Variants in SGPP1 observed in about 807,000 individuals in gnomAD.
The protein encoded by SGPP1 is hSPP1.
Under a neutral mutation model 33.0 loss-of-function variants are expected in SGPP1, and 21 were observed. The observed-to-expected ratio is 0.64, with a 90% confidence interval of 0.45 to 0.92. SGPP1 has a LOEUF of 0.92. SGPP1 is among the 40% of genes least tolerant of loss of function. The pLI is 0.00. For missense variants in SGPP1, 543 were observed against 589.4 expected (o/e 0.92, Z 0.81); for synonymous variants, 239 against 241.2 (o/e 0.99, Z 0.08).
chr14:63,718,220 C>T (rs566620095), intron 1 of SGPP1, among the ~76,000 whole-genome samples: 1 of 151,408 alleles, frequency 6.6e-6, no homozygotes, highest in Non-Finnish European at 1.5e-5. Context: ...TGTATGCCAT[C>T]CTGGGGAACA....
At chr14:63,699,755 T>C (rs1885258301) in intron 1 of SGPP1, among the ~76,000 whole-genome samples, 1 of 151,808 alleles carries the variant, frequency 6.6e-6, no homozygotes, top group Non-Finnish European at 1.5e-5. Context: ...TTGTTGTTTT[T>C]TTTACATATC....
chr14:63,706,811 G>A (rs1025690348), intron 1 of SGPP1, among the ~76,000 whole-genome samples: 12 of 152,148 alleles, frequency 7.9e-5, no homozygotes, highest in Non-Finnish European at 1.5e-4. Context: ...GGGAGGATGA[G>A]ATGGGTGGAT....
chr14:63,721,689 C>T (rs1401633025), intron 1 of SGPP1, among the ~76,000 whole-genome samples: 1 of 152,086 alleles, frequency 6.6e-6, no homozygotes, highest in Non-Finnish European at 1.5e-5. Flanking sequence ...TTTTCATGAC[C>T]TCACAGATAT....
At chr14:63,727,036 A>C (rs780696931) in intron 1 of SGPP1, among the ~76,000 whole-genome samples, 9 of 152,202 alleles carry the variant, frequency 5.9e-5, no homozygotes, top group Non-Finnish European at 8.8e-5. Flanking sequence ...TAAGGCATTA[A>C]ATTGGAATTT....
rs142554323 is a variant in SGPP1 at position 63,708,733 on chromosome 14, A to G, written c.685-10075T>C. Among the ~76,000 whole-genome samples the G allele has an allele frequency of 3.1e-3, 466 of 152,334 alleles. 1 individual carries two copies. The highest frequency in any genetic ancestry group is 0.01 in the African/African-American group (436 of 41,564). On this transcript the variant is annotated intron_variant, in intron 1 of 2. Transcript: ENST00000247225. ...ACCAGGTGCTATTCTAAGAGCTTTT[A>G]CAAATATTAACCCATGTAATCATCA...
chr14:63,697,437 G>C (rs2139634074), intron 2 of SGPP1, among the ~76,000 whole-genome samples: 1 of 152,262 alleles, frequency 6.6e-6, no homozygotes, highest in Middle Eastern at 3.4e-3. Flanking sequence ...TTAGAAACTA[G>C]AATTCCATGA....
intron 1 of SGPP1, among the ~76,000 whole-genome samples, chr14:63,721,438 C>T (rs1220199540): frequency 2.0e-5 from 3 of 150,558 alleles, no homozygotes; most frequent in Non-Finnish European, 4.4e-5. Flanking sequence ...AACAAGACTT[C>T]GTATCCAGAA....
intron 1 of SGPP1, among the ~76,000 whole-genome samples, chr14:63,723,680 C>T (rs539685036): frequency 3.2e-4 from 49 of 151,658 alleles, no homozygotes; most frequent in African/African-American, 1.2e-3. Context: ...GATCACACCA[C>T]CACACTCCAG....
intron 1 of SGPP1, among the ~76,000 whole-genome samples, chr14:63,705,544 T>C (rs1316660132): frequency 1.3e-5 from 2 of 151,760 alleles, no homozygotes; most frequent in Non-Finnish European, 2.9e-5. Flanking sequence ...GACATGCACT[T>C]GTGGTCCCAG....
At chr14:63,711,275 A>G (rs1293412093) in intron 1 of SGPP1, among the ~76,000 whole-genome samples, 2 of 152,166 alleles carry the variant, frequency 1.3e-5, no homozygotes, top group African/African-American at 2.4e-5. Flanking sequence ...TCGGTCTCCC[A>G]AAGTGCTGGG....
chr14:63,715,403 G>A (rs1166876076), intron 1 of SGPP1, among the ~76,000 whole-genome samples: 4 of 152,248 alleles, frequency 2.6e-5, no homozygotes, highest in African/African-American at 4.8e-5. Flanking sequence ...ATAAAAATAT[G>A]TATGTTATTA....
intron 2 of SGPP1, among the ~76,000 whole-genome samples, chr14:63,692,444 T>C (rs1201827212): frequency 1.3e-5 from 2 of 151,344 alleles, no homozygotes. Flanking sequence ...AGAAACTAAA[T>C]GTTCAACTTC....
In SGPP1 at chr14:63,686,522, C is replaced by T. The variant is rs141626991; in HGVS notation, c.909G>A (p.Gly303=). 9 of 1,613,876 alleles carry T rather than the reference C, an allele frequency of 5.6e-6. No homozygotes were observed. Among genetic ancestry groups the T allele is most frequent in the Non-Finnish European group, 7.6e-6 (9 of 1,180,004 alleles). ...AGGTGTCAAGAGTGAAAGAAAAGAT[C>T]CCCAAAGCTAAATGAAGCCCGATGA... is the stretch of plus-strand genomic sequence containing the variant. ...FIIIGLHLAL[G]IFSFTLDTWS... is the part of the protein sequence containing the mutation. The change falls in exon 3 of 3, where the codon GGG becomes GGA. Residue 303 remains glycine (G), a synonymous_variant. Transcript: ENST00000247225.
chr14:63,715,920 T>G (rs968829993), intron 1 of SGPP1, among the ~76,000 whole-genome samples: 3 of 152,174 alleles, frequency 2.0e-5, no homozygotes. Context: ...TTGGGTAGAA[T>G]GGTTAGAAGG....
chr14:63,719,014 ATTTTTTTTTTTTTT>A (rs1163496718), intron 1 of SGPP1, among the ~76,000 whole-genome samples: 1 of 19,424 alleles, frequency 5.1e-5, no homozygotes, highest in African/African-American at 2.3e-4. Flanking sequence ...ATATATATAT[ATTTTTTTTTTTTTT>A]TTTTTTTTTT....
At chr14:63,717,206 A>G (rs1885649287) in intron 1 of SGPP1, among the ~76,000 whole-genome samples, 1 of 151,918 alleles carries the variant, frequency 6.6e-6, no homozygotes, top group South Asian at 2.1e-4. Flanking sequence ...ATAGCAACAG[A>G]AACTGTAAAA....
chr14:63,688,996 C>T (rs1365196952), intron 2 of SGPP1, among the ~76,000 whole-genome samples: 1 of 152,180 alleles, frequency 6.6e-6, no homozygotes, highest in Non-Finnish European at 1.5e-5. Flanking sequence ...GCTGGGATTA[C>T]AGGCGTGAGC....
chr14:63,704,599 T>C (rs976590347), intron 1 of SGPP1, among the ~76,000 whole-genome samples: 5 of 152,108 alleles, frequency 3.3e-5, no homozygotes, highest in Non-Finnish European at 7.4e-5. Context: ...CCTGTAATTC[T>C]AGCACTTTGG....
chr14:63,726,153 T>C (rs906263509), intron 1 of SGPP1, among the ~76,000 whole-genome samples: 6 of 152,224 alleles, frequency 3.9e-5, no homozygotes, highest in Admixed American at 2.0e-4. Flanking sequence ...AAATTTTATC[T>C]ACACTGAAAT....
Sources: allele counts gnomAD v4.1 joint callset (sites outside exome capture counted in the v4.1 genomes callset), GRCh38; gene constraint gnomAD v4.1.1; transcripts MANE v1.5; gene names NCBI Gene and HGNC (gene_info 2026-07-23, HGNC 2026-07-21).